Variants in RNF44 observed in about 807,000 individuals in gnomAD.
RNF44 encodes ring finger protein 44.
In RNF44, 25 loss-of-function variants were observed where a neutral mutation model predicts 53.6. The ratio of observed to expected loss-of-function variants is 0.47; its 90% CI spans 0.34 to 0.65. The LOEUF (loss-of-function observed/expected upper bound fraction) is 0.65. Among genes scored for constraint, RNF44 ranks in the 30% least tolerant of loss-of-function variants. RNF44 has a pLI of 0.01. For missense variants in RNF44, 581 were observed against 595.5 expected (o/e 0.98, Z 0.25); for synonymous variants, 282 against 252.2 (o/e 1.12, Z -1.12).
Position 176,531,310 on chromosome 5 carries a change from C to T in RNF44, c.465+153G>A, listed in dbSNP as rs952452104. Among the ~76,000 whole-genome samples, 1 of 152,202 alleles carries T rather than the reference C, an allele frequency of 6.6e-6. No homozygotes were observed. The highest frequency in any genetic ancestry group is 2.4e-5 in the African/African-American group (1 of 41,444). The stretch of plus-strand genomic sequence containing the variant: ...CACTCTATTACCAAATGTGAACACG[C>T]GTATGCTTTCCTGGGGAGGCCAGGC... On this transcript the variant is annotated intron_variant, in intron 4 of 10. Coordinates refer to ENST00000274811, the MANE Select transcript of RNF44 (RefSeq NM_014901.5). This position sits in a 1 kb window ranked among gnomAD's most constrained non-coding sequence, Gnocchi z 4.2.
rs557309360 is a variant in RNF44 at position 176,532,060 on chromosome 5, G to C, written c.241C>G (p.Arg81Gly). The C allele has an allele frequency of 1.2e-6, 2 of 1,608,902 alleles. No homozygotes were observed. Among genetic ancestry groups the C allele is most frequent in the East Asian group, 2.2e-5 (1 of 44,824 alleles). The change falls in exon 3 of 11, where the codon CGA (arginine) becomes GGA (glycine). Residue 81 changes from arginine (R) to glycine (G), a missense_variant. Arg to Gly is a moderately radical substitution (Grantham distance 125, BLOSUM62 -2). This residue lies in a region of RNF44 where 387 missense variants were observed against 366.0 expected (regional missense o/e 1.06). Coordinates refer to ENST00000274811, the MANE Select transcript of RNF44 (RefSeq NM_014901.5). Reference protein sequence around the residue: ...RASAPAGGSPRMLHPATQQSP... With the variant: ...RASAPAGGSPGMLHPATQQSP... ...TGCTGGGTGGCTGGGTGCAGCATTC[G>C]GGGGCTCCCGCCGGCAGGAGCCGAG...
upstream of RNF44, among the ~76,000 whole-genome samples, chr5:176,539,927 GCC>G (rs1404912401): frequency 6.6e-6 from 1 of 152,040 alleles, no homozygotes; most frequent in African/African-American, 2.4e-5. Context: ...CCACCTTCCT[GCC>G]TTTGCTCAGG....
upstream of RNF44, among the ~76,000 whole-genome samples, chr5:176,541,722 T>C (rs1757451964): frequency 3.9e-5 from 6 of 152,218 alleles, no homozygotes; most frequent in South Asian, 1.2e-3. Context: ...ACTGGCTGCC[T>C]CTCTCCCTCG....
upstream of RNF44, chr5:176,537,746 T>C (rs1324947806): frequency 6.6e-6 from 1 of 152,166 alleles, no homozygotes; most frequent in Non-Finnish European, 1.5e-5. Flanking sequence ...CATGGTCCCC[T>C]CCTCGGGGAC....
At position 176,531,889 on chromosome 5, in the gene RNF44, T is replaced by C. The variant is rs888031779; in HGVS notation, c.297+115A>G. On this transcript the variant is annotated intron_variant, in intron 3 of 10. Coordinates refer to ENST00000274811, the MANE Select transcript of RNF44 (RefSeq NM_014901.5). This position sits in a 1 kb window ranked among gnomAD's most constrained non-coding sequence, Gnocchi z 4.2. Reference sequence around the variant, plus strand: ...TTACCTACCTGTAAAGCAGGGCCAATAATGCCTCCCTGGAACGTGAAATGA... The same window carrying C: ...TTACCTACCTGTAAAGCAGGGCCAACAATGCCTCCCTGGAACGTGAAATGA... The C allele has an allele frequency of 3.3e-6, 4 of 1,194,784 alleles. No individual in the cohort carries two copies. The South Asian group carries it at 4.7e-5, about 14-fold the overall frequency. The allele number at this position is 1,194,784 out of a possible 1,614,324, so 74.0% of individuals were successfully genotyped here. A position where few individuals can be genotyped will look rare whatever the true frequency, so the allele number is the denominator to read the frequency against.
At chr5:176,541,590 C>G (rs1442514156), upstream of RNF44, among the ~76,000 whole-genome samples, 1 of 152,100 alleles carries the variant, frequency 6.6e-6, no homozygotes, top group Non-Finnish European at 1.5e-5. Flanking sequence ...GCTTCCTCCC[C>G]CAGGCCTCCT....
chr5:176,534,613 T>C (rs1169497055), intron 1 of RNF44, among the ~76,000 whole-genome samples: 2 of 152,228 alleles, frequency 1.3e-5, no homozygotes, highest in Admixed American at 6.5e-5. Flanking sequence ...GTTTAACAAA[T>C]TCCCCAGAAG....
At position 176,527,216 on chromosome 5, in the gene RNF44, G is replaced by A. The variant is rs1013425577; in HGVS notation, c.*1812C>T. The A allele has an allele frequency of 2.0e-5, 3 of 152,446 alleles. No homozygotes were observed. Among genetic ancestry groups the A allele is most frequent in the Non-Finnish European group, 4.4e-5 (3 of 68,030 alleles). The allele number at this position is 152,446 out of a possible 1,614,324, so 9.4% of individuals were successfully genotyped here. ...AAACAATGGCAAGCCCCCACCACAG[G>A]AAATCATTGGTAACATGGCATCTAT... On this transcript the variant is annotated 3_prime_UTR_variant, in exon 11 of 11. Transcript: ENST00000274811.
chr5:176,532,285 A>T (rs923546147), intron 2 of RNF44, 81 bp downstream of exon 2: 353 of 1,518,514 alleles, frequency 2.3e-4, no homozygotes, highest in Middle Eastern at 2.3e-3. Context: ...CCCCATGGGG[A>T]GGGAAGGCAG....
upstream of RNF44, among the ~76,000 whole-genome samples, chr5:176,541,622 G>T (rs1368783251): frequency 2.0e-5 from 3 of 152,142 alleles, no homozygotes; most frequent in Non-Finnish European, 2.9e-5. Flanking sequence ...AAGGGCTTGG[G>T]CAAGCAGAGG....
Position 176,527,162 on chromosome 5 carries a change from C to T in RNF44, c.*1866G>A, listed in dbSNP as rs1756100338. On this transcript the variant is annotated 3_prime_UTR_variant, in exon 11 of 11. Transcript: ENST00000274811. ...TGGGGGAAGGTGCCCACTGTCATGCCTAGGCCAGAAGTTGGTAAATAAGAG... is the reference window on the plus strand; with the variant it reads ...TGGGGGAAGGTGCCCACTGTCATGCTTAGGCCAGAAGTTGGTAAATAAGAG... 6.6e-6 allele frequency: 1 copy of T among 152,346 alleles called. No homozygotes were observed. The highest frequency in any genetic ancestry group is 2.4e-5 in the African/African-American group (1 of 41,414). The allele number at this position is 152,346 out of a possible 1,614,324, so 9.4% of individuals were successfully genotyped here. A position where few individuals can be genotyped will look rare whatever the true frequency, so the allele number is the denominator to read the frequency against.
Position 176,527,025 on chromosome 5 carries a change from T to C in RNF44, c.*2003A>G, listed in dbSNP as rs1756086195. On this transcript the variant is annotated 3_prime_UTR_variant, in exon 11 of 11. Transcript: ENST00000274811. ...TGGGAAAAATGAGGTAACTGTAAAA[T>C]GTGCAAGGAACAGGGCCCCCAAAAT... 1 of 152,286 alleles carries C rather than the reference T, an allele frequency of 6.6e-6. No individual in the cohort carries two copies. The highest frequency in any genetic ancestry group is 1.5e-5 in the Non-Finnish European group (1 of 68,008). 9.4% of individuals were successfully genotyped at this position (152,286 alleles called of 1,614,324 possible). A position where few individuals can be genotyped will look rare whatever the true frequency, so the allele number is the denominator to read the frequency against.
chr5:176,542,095 G>C (rs1438146666), upstream of RNF44, among the ~76,000 whole-genome samples: 1 of 152,234 alleles, frequency 6.6e-6, no homozygotes, highest in Non-Finnish European at 1.5e-5. Flanking sequence ...CTGGGGCTCT[G>C]GCCCTCAGCA....
rs1033459395 is a variant in RNF44 at position 176,537,059 on chromosome 5, G to A, written c.-164C>T. The A allele has an allele frequency of 1.3e-5, 2 of 152,084 alleles. No homozygotes were observed. The highest frequency in any genetic ancestry group is 2.9e-5 in the Non-Finnish European group (2 of 68,074). 9.4% of individuals were successfully genotyped at this position (152,084 alleles called of 1,614,324 possible). On this transcript the variant is annotated 5_prime_UTR_variant, in exon 1 of 11. Coordinates refer to ENST00000274811, the MANE Select transcript of RNF44 (RefSeq NM_014901.5). The stretch of plus-strand genomic sequence containing the variant: ...ATCCTTTAAGAGCTCCCGCCCTGCG[G>A]AACAATGTGCTCCCCTCCCCACCCC...
chr5:176,541,518 G>A (rs1757446021), upstream of RNF44, among the ~76,000 whole-genome samples: 2 of 152,190 alleles, frequency 1.3e-5, no homozygotes, highest in African/African-American at 4.8e-5. Flanking sequence ...AGAGTGGACA[G>A]GAGCCTGAGA....
At chr5:176,532,595 T>C in intron 1 of RNF44, 79 bp from the exon 2 acceptor site, 1 of 1,249,680 alleles carries the variant, frequency 8.0e-7, no homozygotes, top group Non-Finnish European at 1.1e-6. Context: ...ATACAAAAAC[T>C]AGCCAGGCAT....
chr5:176,536,595 C>T (rs747843443), intron 1 of RNF44, among the ~76,000 whole-genome samples: 2 of 152,314 alleles, frequency 1.3e-5, no homozygotes, highest in Non-Finnish European at 2.9e-5. Context: ...GGCGAGACTG[C>T]AGCGCAGGGG....
chr5:176,529,981 T>C, intron 7 of RNF44, 101 bp downstream of exon 7: 1 of 1,433,236 alleles, frequency 7.0e-7, no homozygotes, highest in Non-Finnish European at 9.3e-7. Flanking sequence ...CCAGGTGGCT[T>C]CAGAGGCCCT....
chr5:176,536,845 G>A (rs1219648162), intron 1 of RNF44, 95 bp downstream of exon 1: 1 of 152,142 alleles, frequency 6.6e-6, no homozygotes, highest in Non-Finnish European at 1.5e-5. Flanking sequence ...AACCCCTACG[G>A]AGCCACCTAG....
Sources: gnomAD v4.1 joint callset for allele counts (sites outside exome capture counted in the v4.1 genomes callset) on GRCh38, gnomAD v4.1.1 for gene constraint, gnomAD v4.1.1 regional missense constraint, Gnocchi (gnomAD v3.1) non-coding constraint, MANE v1.5 for transcripts, NCBI Gene and HGNC (gene_info 2026-07-23, HGNC 2026-07-21) for gene names.